PDSS2: variants seen among roughly 807,000 people sequenced by gnomAD.
PDSS2 encodes the protein decaprenyl diphosphate synthase subunit 2.
In PDSS2, 31 loss-of-function variants were observed where a neutral mutation model predicts 44.5. The observed-to-expected ratio is 0.70, with a 90% confidence interval of 0.52 to 0.94. PDSS2 has a LOEUF of 0.94. Among genes scored for constraint, PDSS2 ranks in the 40% least tolerant of loss-of-function variants. PDSS2 has a pLI of 0.00. For missense variants in PDSS2, 452 were observed against 482.2 expected (o/e 0.94, Z 0.59); for synonymous variants, 157 against 180.3 (o/e 0.87, Z 1.03).
chr6:107,325,511 GCTAAT>G (rs1224086088), intron 2 of PDSS2, among the ~76,000 whole-genome samples: 1 of 152,100 alleles, frequency 6.6e-6, no homozygotes, highest in Non-Finnish European at 1.5e-5. Flanking sequence ...ATTTTAAAAA[GCTAAT>G]CTAAAGATAG....
chr6:107,333,811 C>T (rs1432698202), intron 2 of PDSS2, among the ~76,000 whole-genome samples: 1 of 152,130 alleles, frequency 6.6e-6, no homozygotes, highest in Non-Finnish European at 1.5e-5. Context: ...GCTAGAATTA[C>T]AGGTGTGAGC....
At chr6:107,289,071 T>C (rs1776257592) in intron 2 of PDSS2, among the ~76,000 whole-genome samples, 1 of 149,634 alleles carries the variant, frequency 6.7e-6, no homozygotes, top group Middle Eastern at 3.2e-3. Flanking sequence ...CTGGCCGAAA[T>C]TGATATTTTA....
At chr6:107,364,471 G>A (rs1778898415) in intron 1 of PDSS2, among the ~76,000 whole-genome samples, 1 of 152,236 alleles carries the variant, frequency 6.6e-6, no homozygotes, top group Admixed American at 6.5e-5. Context: ...TACACCCTCC[G>A]CAGCCACTGG....
chr6:107,161,765 T>C (rs1383894783), intron 7 of PDSS2, among the ~76,000 whole-genome samples: 1 of 152,186 alleles, frequency 6.6e-6, no homozygotes, highest in East Asian at 1.9e-4. Flanking sequence ...ACAGAAAAAG[T>C]CTGCTGACTC....
intron 3 of PDSS2, among the ~76,000 whole-genome samples, chr6:107,268,590 T>G (rs948730202): frequency 2.0e-5 from 3 of 152,218 alleles, no homozygotes; most frequent in Non-Finnish European, 2.9e-5. Flanking sequence ...ATTATTGATG[T>G]ATATCTACAT....
At chr6:107,288,753 G>GTTTTTT (rs35762837) in intron 2 of PDSS2, among the ~76,000 whole-genome samples, 20 of 72,742 alleles carry the variant, frequency 2.7e-4, no homozygotes, top group East Asian at 5.0e-4. Flanking sequence ...GGACGAAATT[G>GTTTTTT]TTTTTTTTTT....
At chr6:107,448,328 A>C (rs1384219947) in intron 1 of PDSS2, among the ~76,000 whole-genome samples, 3 of 152,064 alleles carry the variant, frequency 2.0e-5, no homozygotes, top group African/African-American at 7.2e-5. Flanking sequence ...CTAAACTTTT[A>C]TGTTCTGTCA....
intron 6 of PDSS2, among the ~76,000 whole-genome samples, chr6:107,209,631 T>C (rs1173056111): frequency 6.6e-6 from 1 of 151,334 alleles, no homozygotes; most frequent in African/African-American, 2.4e-5. Context: ...ACTATGTTGT[T>C]GGTCTTGAAC....
intron 1 of PDSS2, among the ~76,000 whole-genome samples, chr6:107,389,601 T>C (rs1333461031): frequency 6.6e-6 from 1 of 152,228 alleles, no homozygotes; most frequent in Admixed American, 6.5e-5. Context: ...CAAGGAATAC[T>C]GTGGTATTGG....
At chr6:107,388,138 T>C (rs1469003691) in intron 1 of PDSS2, among the ~76,000 whole-genome samples, 1 of 152,164 alleles carries the variant, frequency 6.6e-6, no homozygotes, top group African/African-American at 2.4e-5. Context: ...ACAGCCACAA[T>C]GCATAAGAAG....
At chr6:107,434,175 C>A (rs9386642) in intron 1 of PDSS2, among the ~76,000 whole-genome samples, 19,437 of 152,130 alleles carry the variant, frequency 0.13, 1,472 homozygotes, top group East Asian at 0.24. Context: ...ATTAGTACAA[C>A]CATTATGGAA....
At chr6:107,376,443 A>G (rs1433615159) in intron 1 of PDSS2, among the ~76,000 whole-genome samples, 1 of 152,142 alleles carries the variant, frequency 6.6e-6, no homozygotes, top group Non-Finnish European at 1.5e-5. Context: ...TTCATTCAGC[A>G]GTGGTTTGTA....
At chr6:107,191,175 G>A (rs1457636558) in intron 7 of PDSS2, among the ~76,000 whole-genome samples, 2 of 152,196 alleles carry the variant, frequency 1.3e-5, no homozygotes, top group Non-Finnish European at 2.9e-5. Context: ...ACAGGTGTGA[G>A]CCACCGTGCC....
chr6:107,181,282 C>A (rs1562357149), intron 7 of PDSS2, among the ~76,000 whole-genome samples: 4 of 152,142 alleles, frequency 2.6e-5, no homozygotes, highest in Non-Finnish European at 5.9e-5. Context: ...TGCCTGTAAT[C>A]CCAGCATTTT....
intron 2 of PDSS2, among the ~76,000 whole-genome samples, chr6:107,285,213 T>C (rs1776100667): frequency 6.6e-6 from 1 of 152,212 alleles, no homozygotes; most frequent in South Asian, 2.1e-4. Context: ...AATTTGTTTT[T>C]AAAATTGAAA....
At chr6:107,239,882 T>G (rs1004761117) in intron 4 of PDSS2, among the ~76,000 whole-genome samples, 2 of 152,096 alleles carry the variant, frequency 1.3e-5, no homozygotes, top group Non-Finnish European at 2.9e-5. Context: ...CCTCAAGTGA[T>G]CTGCCCACCT....
At position 107,210,993 on chromosome 6, in the gene PDSS2, C is replaced by CA. The variant is rs11345405; in HGVS notation, c.877-424dup. On this transcript the variant is annotated intron_variant, in intron 5 of 7. Coordinates refer to ENST00000369037, the MANE Select transcript of PDSS2 (RefSeq NM_020381.4). ...TCTGGGCGAGAGCAAAACTCCGTCT[C>CA]AAAAAAAAAAAAAAAAATTTCAGAT... 9.6e-3 allele frequency among the ~76,000 whole-genome samples: 1,013 copies of CA among 105,634 alleles called. 10 individuals are homozygous for CA. The highest frequency in any genetic ancestry group is 0.028 in the African/African-American group (741 of 26,208). The allele number at this position is 105,634 out of a possible 152,430, so 69.3% of individuals were successfully genotyped here.
intron 1 of PDSS2, among the ~76,000 whole-genome samples, chr6:107,357,643 A>C (rs925015670): frequency 5.3e-5 from 8 of 152,160 alleles, no homozygotes; most frequent in Non-Finnish European, 7.4e-5. Context: ...AGGAAATCAA[A>C]CATACCAACC....
chr6:107,264,720 C>A (rs987667764), intron 3 of PDSS2, among the ~76,000 whole-genome samples: 10 of 152,136 alleles, frequency 6.6e-5, no homozygotes, highest in African/African-American at 2.4e-4. Flanking sequence ...AGCTAGATTT[C>A]GAAATTATAG....
Sources: allele counts gnomAD v4.1 joint callset (sites outside exome capture counted in the v4.1 genomes callset), GRCh38; gene constraint gnomAD v4.1.1; transcripts MANE v1.5; gene names NCBI Gene and HGNC (gene_info 2026-07-23, HGNC 2026-07-21).